Variants in MAN2A1 observed in about 807,000 individuals in gnomAD.
MAN2A1 encodes alpha-mannosidase 2.
Under a neutral mutation model 142.6 loss-of-function variants are expected in MAN2A1, and 76 were observed. The observed-to-expected ratio is 0.53, with a 90% CI of 0.44 to 0.65. The LOEUF (loss-of-function observed/expected upper bound fraction) is 0.65. Among genes scored for constraint, MAN2A1 ranks in the 30% least tolerant of loss-of-function variants. The probability of loss-of-function intolerance (pLI) is 0.00; values close to 1 mark genes in which losing one functional copy is unlikely to be tolerated. For missense variants in MAN2A1, 1,311 were observed against 1,365.1 expected, an observed-to-expected ratio of 0.96 and a Z score of 0.62; for synonymous variants, 559 against 473.2, an observed-to-expected ratio of 1.18 and a Z score of -2.35.
intron 1 of MAN2A1, among the ~76,000 whole-genome samples, chr5:109,696,051 G>C (rs1390622935): frequency 6.6e-6 from 1 of 151,446 alleles, no homozygotes; most frequent in Non-Finnish European, 1.5e-5. Context: ...AGAGTGCCCT[G>C]TTTAAGGTAA....
intron 5 of MAN2A1, among the ~76,000 whole-genome samples, chr5:109,762,653 T>C (rs10055229): frequency 0.13 from 20,050 of 152,096 alleles, 1,726 homozygotes; most frequent in African/African-American, 0.25. Context: ...TCAAGGTGCC[T>C]TGGAGAAGAT....
intron 12 of MAN2A1, among the ~76,000 whole-genome samples, chr5:109,799,360 ACT>A (rs972290475): frequency 2.6e-5 from 4 of 151,974 alleles, no homozygotes; most frequent in East Asian, 1.9e-4. Flanking sequence ...CCCCACAATG[ACT>A]CTATTCAGAA....
At chr5:109,726,647 C>CT (rs1447223933) in intron 3 of MAN2A1, among the ~76,000 whole-genome samples, 1 of 152,092 alleles carries the variant, frequency 6.6e-6, no homozygotes, top group South Asian at 2.1e-4. Context: ...ATGATAAACT[C>CT]TTTTTTGAAA....
rs764271143 is a variant in MAN2A1 at position 109,842,415 on chromosome 5, A to G, written c.2654A>G (p.Asp885Gly). 2 of 1,588,886 alleles carry G rather than the reference A, an allele frequency of 1.3e-6. No individual in the cohort carries two copies. Among genetic ancestry groups the G allele is most frequent in the Admixed American group, 3.4e-5 (2 of 59,282 alleles). The part of the protein sequence containing the change: ...NREIAMKISS[D>G]IKSQNRFYTD... ...GAGATTGCAATGAAAATTTCTTCTG[A>G]TATAAAAAGCCAAAATAGATTTTAT... is the stretch of plus-strand genomic sequence containing the variant. Residue 885 changes from aspartate to glycine, a missense_variant, in exon 17 of 22, where the codon GAT becomes GGT. Coordinates refer to ENST00000261483, the MANE Select transcript of MAN2A1 (RefSeq NM_002372.4).
chr5:109,796,182 A>AT (rs1458638550), intron 12 of MAN2A1, among the ~76,000 whole-genome samples: 1 of 152,198 alleles, frequency 6.6e-6, no homozygotes, highest in East Asian at 1.9e-4. Flanking sequence ...GGAAGAAATC[A>AT]TAAAAATATA....
intron 17 of MAN2A1, 145 bp from the exon 18 acceptor site, chr5:109,845,720 G>A (rs1755328057): frequency 1.8e-6 from 1 of 551,450 alleles, no homozygotes; most frequent in Non-Finnish European, 3.0e-6. Context: ...TTTAAATAAT[G>A]TTTTAATTTT....
intron 4 of MAN2A1, among the ~76,000 whole-genome samples, chr5:109,742,432 T>A (rs944697545): frequency 6.6e-6 from 1 of 152,228 alleles, no homozygotes; most frequent in African/African-American, 2.4e-5. Context: ...ATATAATCTT[T>A]GTACTATCTT....
chr5:109,798,057 T>C (rs1428940216), intron 12 of MAN2A1, among the ~76,000 whole-genome samples: 2 of 151,798 alleles, frequency 1.3e-5, no homozygotes, highest in African/African-American at 4.8e-5. Context: ...AAATGAAGAA[T>C]TAAAAAGGCA....
rs1397071143 is a variant in MAN2A1, at chr5:109,690,388, A to G, written c.-30A>G. The G allele has an allele frequency of 1.9e-6, 3 of 1,613,676 alleles. No homozygotes were observed. Among genetic ancestry groups the G allele is most frequent in the South Asian group, 2.2e-5 (2 of 91,080 alleles). On this transcript the variant is annotated 5_prime_UTR_variant, in exon 1 of 22. Transcript: ENST00000261483. ...TGCGCTGTCTCCTTTGGCTGAGGAG[A>G]GTGTCCTGGCCCCGAGTCTATCGAG...
In MAN2A1 at chr5:109,847,704, C is replaced by T. The variant is rs1755377761; in HGVS notation, c.2890C>T (p.Arg964Cys). The T allele has an allele frequency of 1.9e-6, 3 of 1,599,280 alleles. No homozygotes were observed. The highest frequency in any genetic ancestry group is 2.3e-5 in the East Asian group (1 of 43,870). ...TCGAAGACTCATGCAAGATGATAATCGTGGCCTTGAGCAAGGTATCCAGGA... is the reference window on the plus strand; with the variant it reads ...TCGAAGACTCATGCAAGATGATAATTGTGGCCTTGAGCAAGGTATCCAGGA... The part of the protein sequence containing the change: ...MDRRLMQDDN[R>C]GLEQGIQDNK... The change falls in exon 19 of 22, where the codon CGT becomes TGT. Residue 964 changes from arginine to cysteine, a missense_variant. Around this residue, in one of 3 missense-constraint regions of MAN2A1, gnomAD observed 890 missense variants for 920.5 expected, o/e 0.97. Coordinates refer to ENST00000261483, the MANE Select transcript of MAN2A1 (RefSeq NM_002372.4).
At chr5:109,785,459 A>T (rs1314810916) in intron 10 of MAN2A1, among the ~76,000 whole-genome samples, 1 of 152,068 alleles carries the variant, frequency 6.6e-6, no homozygotes, top group African/African-American at 2.4e-5. Context: ...GCCATTGGGA[A>T]TGAGAAAGGA....
chr5:109,814,758 AATT>A (rs1754408276), intron 12 of MAN2A1, among the ~76,000 whole-genome samples: 1 of 152,222 alleles, frequency 6.6e-6, no homozygotes. Context: ...ATATGGTTAA[AATT>A]ATTGTTTGCA....
At chr5:109,865,912 G>A (rs147152545) in intron 21 of MAN2A1, among the ~76,000 whole-genome samples, 6 of 152,264 alleles carry the variant, frequency 3.9e-5, no homozygotes, top group Middle Eastern at 3.4e-3. Flanking sequence ...AGGTACACAG[G>A]CAGGTCTGCC....
At chr5:109,730,659 G>A (rs1209840819) in intron 4 of MAN2A1, among the ~76,000 whole-genome samples, 1 of 152,072 alleles carries the variant, frequency 6.6e-6, no homozygotes, top group Non-Finnish European at 1.5e-5. Context: ...TTTATTTAAT[G>A]TCACTTATAC....
At chr5:109,820,713 G>A (rs1449584633) in intron 15 of MAN2A1, among the ~76,000 whole-genome samples, 1 of 152,148 alleles carries the variant, frequency 6.6e-6, no homozygotes, top group African/African-American at 2.4e-5. Context: ...GGCTGAGGTG[G>A]GAGGATGGCT....
At position 109,820,798 on chromosome 5, in the gene MAN2A1, C is replaced by T. The variant is rs188336187; in HGVS notation, c.2451+456C>T. On this transcript the variant is annotated intron_variant, in intron 15 of 21. Transcript: ENST00000261483. Reference sequence around the variant, plus strand: ...AGCCTGGGTTGACGGAGCAAGACCCCGTTAGATAAATAGTTTTTTAGAGTT... The same window carrying T: ...AGCCTGGGTTGACGGAGCAAGACCCTGTTAGATAAATAGTTTTTTAGAGTT... Among the ~76,000 whole-genome samples the T allele has an allele frequency of 3.3e-3, 504 of 152,068 alleles. 9 individuals are homozygous for T. Among genetic ancestry groups the T allele is most frequent in the Non-Finnish European group, 7.6e-4 (52 of 67,978 alleles).
intron 12 of MAN2A1, among the ~76,000 whole-genome samples, chr5:109,796,862 A>T (rs1484230678): frequency 6.6e-6 from 1 of 152,180 alleles, no homozygotes; most frequent in African/African-American, 2.4e-5. Flanking sequence ...TACATCCTTC[A>T]TGACATTATT....
At chr5:109,738,233 G>GTT (rs70999941) in intron 4 of MAN2A1, among the ~76,000 whole-genome samples, 25 of 122,578 alleles carry the variant, frequency 2.0e-4, no homozygotes, top group Non-Finnish European at 2.5e-4. Context: ...GGTATTTTAT[G>GTT]TTTTTTTTTT....
intron 4 of MAN2A1, among the ~76,000 whole-genome samples, chr5:109,754,473 T>C (rs1316654793): frequency 6.6e-6 from 1 of 152,232 alleles, no homozygotes; most frequent in East Asian, 1.9e-4. Flanking sequence ...TACTTTATGA[T>C]GTTATCTGTA....
Sources: allele counts gnomAD v4.1 joint callset (sites outside exome capture counted in the v4.1 genomes callset), GRCh38; gene constraint gnomAD v4.1.1; regional missense constraint gnomAD v4.1.1; transcripts MANE v1.5; gene names NCBI Gene and HGNC (gene_info 2026-07-23, HGNC 2026-07-21).